Variants in FOXP1 observed in about 807,000 individuals in gnomAD.
FOXP1 encodes forkhead box P1, also known as forkhead box protein P1.
A neutral mutation model predicts 98.2 loss-of-function variants in FOXP1; 15 were observed. The observed-to-expected ratio is 0.15, with a 90% CI of 0.10 to 0.24. FOXP1 has a LOEUF of 0.24. Among genes scored for constraint, FOXP1 ranks in the 10% least tolerant of loss-of-function variants. The pLI is 1.00. For synonymous variants in FOXP1, 371 were observed against 314.5 expected, an observed-to-expected ratio of 1.18 and a Z score of -1.90; for missense variants, 633 against 848.5, an observed-to-expected ratio of 0.75 and a Z score of 3.15.
At chr3:71,260,230 G>C (rs571143429) in intron 5 of FOXP1, among the ~76,000 whole-genome samples, 1 of 152,148 alleles carries the variant, frequency 6.6e-6, no homozygotes, top group African/African-American at 2.4e-5. Context: ...TGATCCGCCC[G>C]CCTCAGCCTC....
intron 5 of FOXP1, chr3:71,276,390 T>C (rs2070892765): frequency 1.3e-5 from 2 of 152,096 alleles, no homozygotes; most frequent in South Asian, 4.1e-4. Flanking sequence ...AAACGGTTCT[T>C]CCCTGAAAAA....
At position 71,454,431 on chromosome 3, in the gene FOXP1, CCA is replaced by C. The variant is rs1267947534; in HGVS notation, c.-168+38993_-168+38994del. On this transcript the variant is annotated intron_variant, in intron 3 of 20. Coordinates refer to ENST00000649528, the MANE Select transcript of FOXP1 (RefSeq NM_001349338.3). ...AGAGAGACAGGTGTTCGATAGAAAA[CCA>C]CAGAGACAAAAAGCACCCAAAGAGT... Among the ~76,000 whole-genome samples, 4 of 152,130 alleles carry C rather than the reference CCA, an allele frequency of 2.6e-5. No homozygotes were observed. The East Asian group carries it at 7.7e-4, about 29-fold the overall frequency.
chr3:71,054,257 T>C (rs1298896554), intron 7 of FOXP1, among the ~76,000 whole-genome samples: 3 of 152,244 alleles, frequency 2.0e-5, no homozygotes, highest in African/African-American at 7.2e-5. Context: ...GAAGGGAACC[T>C]TGGACACACC....
chr3:71,429,289 A>G (rs1003739748), intron 3 of FOXP1, among the ~76,000 whole-genome samples: 2 of 152,090 alleles, frequency 1.3e-5, no homozygotes, highest in African/African-American at 2.4e-5. Flanking sequence ...CTTTTTGGTG[A>G]AGTGTGGGGA....
intron 2 of FOXP1, among the ~76,000 whole-genome samples, chr3:71,555,902 A>T (rs1253550051): frequency 6.6e-6 from 1 of 152,138 alleles, no homozygotes. Context: ...CTAAAAAAGG[A>T]AAAAGAAAAA....
At chr3:71,395,268 G>C (rs1020617169) in intron 3 of FOXP1, among the ~76,000 whole-genome samples, 1 of 150,982 alleles carries the variant, frequency 6.6e-6, no homozygotes, top group Non-Finnish European at 1.5e-5. Flanking sequence ...GAAGAATAAA[G>C]CTCGGCGTCT....
At chr3:71,121,876 A>G (rs2058800399) in intron 6 of FOXP1, among the ~76,000 whole-genome samples, 1 of 152,236 alleles carries the variant, frequency 6.6e-6, no homozygotes, top group African/African-American at 2.4e-5. Flanking sequence ...TTCCCAAAGT[A>G]GAAAAACTTG....
At chr3:71,045,580 C>G (rs1559803293) in intron 10 of FOXP1, among the ~76,000 whole-genome samples, 1 of 152,134 alleles carries the variant, frequency 6.6e-6, no homozygotes. Context: ...TTGTATTGCT[C>G]AGTTACGACA....
At chr3:71,267,264 T>C (rs1397207155) in intron 5 of FOXP1, among the ~76,000 whole-genome samples, 1 of 152,170 alleles carries the variant, frequency 6.6e-6, no homozygotes, top group Non-Finnish European at 1.5e-5. Context: ...GCAATGGAAG[T>C]GGCCCAGGTG....
At chr3:71,041,793 A>G (rs1336279263) in intron 10 of FOXP1, among the ~76,000 whole-genome samples, 1 of 152,162 alleles carries the variant, frequency 6.6e-6, no homozygotes, top group Non-Finnish European at 1.5e-5. Flanking sequence ...CTTTGCCACA[A>G]CAGTATGCCT....
chr3:71,547,794 T>C (rs1405357105), intron 2 of FOXP1, among the ~76,000 whole-genome samples: 3 of 152,208 alleles, frequency 2.0e-5, no homozygotes, highest in Non-Finnish European at 4.4e-5. Context: ...AGGACAGCTG[T>C]GACTATTCAA....
chr3:71,301,942 C>T (rs1413493889), intron 4 of FOXP1, among the ~76,000 whole-genome samples: 2 of 152,082 alleles, frequency 1.3e-5, no homozygotes, highest in Non-Finnish European at 2.9e-5. Flanking sequence ...AGAATTACAA[C>T]AAAATTATAC....
intron 3 of FOXP1, among the ~76,000 whole-genome samples, chr3:71,394,439 G>C (rs76979994): frequency 0.046 from 6,949 of 152,234 alleles, 216 homozygotes; most frequent in Middle Eastern, 0.085. Flanking sequence ...GCAATGCCTA[G>C]GAACCAATGA....
chr3:71,137,989 T>C (rs1304253843), intron 6 of FOXP1, among the ~76,000 whole-genome samples: 2 of 152,098 alleles, frequency 1.3e-5, no homozygotes, highest in Non-Finnish European at 2.9e-5. Flanking sequence ...ACAAGGACCC[T>C]CCAAGATATA....
At chr3:71,017,916 A>G (rs2044751438) in intron 11 of FOXP1, among the ~76,000 whole-genome samples, 1 of 152,184 alleles carries the variant, frequency 6.6e-6, no homozygotes, top group Admixed American at 6.5e-5. Context: ...CTACATGCCG[A>G]GCACACTCTT....
intron 3 of FOXP1, among the ~76,000 whole-genome samples, chr3:71,378,513 G>C (rs35562128): frequency 0.28 from 43,201 of 151,986 alleles, 7,280 homozygotes; most frequent in Middle Eastern, 0.4. Context: ...GCTTTGTCCA[G>C]GGTCTCCATG....
intron 3 of FOXP1, among the ~76,000 whole-genome samples, chr3:71,478,895 G>A (rs957213878): frequency 6.6e-6 from 1 of 152,172 alleles, no homozygotes; most frequent in Admixed American, 6.5e-5. Flanking sequence ...ATTGTGATTG[G>A]CTTCCTCTCT....
intron 3 of FOXP1, among the ~76,000 whole-genome samples, chr3:71,432,989 C>T (rs775039933): frequency 4.6e-5 from 7 of 151,714 alleles, no homozygotes; most frequent in Non-Finnish European, 8.8e-5. Flanking sequence ...GTTAGAACAC[C>T]CTGATCATTT....
intron 3 of FOXP1, among the ~76,000 whole-genome samples, chr3:71,490,265 G>C (rs1348309317): frequency 6.6e-6 from 1 of 152,114 alleles, no homozygotes; most frequent in African/African-American, 2.4e-5. Flanking sequence ...GGGAGGCTCA[G>C]GTGGACAGAT....
Sources: allele counts gnomAD v4.1 joint callset (sites outside exome capture counted in the v4.1 genomes callset), GRCh38; gene constraint gnomAD v4.1.1; transcripts MANE v1.5; gene names NCBI Gene and HGNC (gene_info 2026-07-23, HGNC 2026-07-21).